TLL1: variants seen among roughly 807,000 people sequenced by gnomAD.
TLL1 encodes the protein tolloid like 1.
In TLL1, 49 loss-of-function variants were observed where a neutral mutation model predicts 128.2. The ratio of observed to expected loss-of-function variants is 0.38; its 90% CI spans 0.30 to 0.48. TLL1 has a LOEUF of 0.48. TLL1 is among the 20% of genes least tolerant of loss of function. TLL1 has a pLI of 0.96. For synonymous variants in TLL1, 454 were observed against 418.8 expected (o/e 1.08, Z -1.03); for missense variants, 1,123 against 1,242.0 (o/e 0.90, Z 1.44).
intron 12 of TLL1, among the ~76,000 whole-genome samples, chr4:166,047,368 G>T (rs1202015706): frequency 2.0e-5 from 3 of 151,502 alleles, no homozygotes; most frequent in Non-Finnish European, 4.4e-5. Context: ...GTTTCACCAT[G>T]TTAGCCAGGA....
rs371458224 is a variant in TLL1, at chr4:165,995,103, A to G, written c.557A>G (p.Glu186Gly). 62 of 1,613,950 alleles carry G rather than the reference A, an allele frequency of 3.8e-5. No homozygotes were observed. The highest frequency in any genetic ancestry group is 5.0e-5 in the Non-Finnish European group (59 of 1,179,954). The change falls in exon 5 of 21, where the codon GAA becomes GGA. Residue 186 changes from glutamate to glycine, a missense_variant. Coordinates refer to ENST00000061240, the MANE Select transcript of TLL1 (RefSeq NM_012464.5). ...AMFKQAMRHWEKHTCVTFIER... is the reference protein window; with the variant it reads ...AMFKQAMRHWGKHTCVTFIER... ...TTCAAGCAGGCCATGAGGCACTGGG[A>G]AAAGCACACATGTGTGACTTTCATA...
intron 1 of TLL1, among the ~76,000 whole-genome samples, chr4:165,880,056 T>G (rs932554646): frequency 6.6e-6 from 1 of 152,130 alleles, no homozygotes; most frequent in Admixed American, 6.5e-5. Flanking sequence ...TACTAACACT[T>G]GGGAAGGAAA....
Position 165,989,425 on chromosome 4 carries a change from A to G in TLL1, c.214A>G (p.Ile72Val), listed in dbSNP as rs755547554. ...TGCCTTAGATGATGAAGACTTAAAT[A>G]TCTTTCAAATAGATAGGACAATTGA... ...DIALDDEDLNIFQIDRTIDLT... is the reference protein window; with the variant it reads ...DIALDDEDLNVFQIDRTIDLT... Residue 72 changes from isoleucine (I) to valine (V), a missense_variant, in exon 2 of 21, where the codon ATC (isoleucine) becomes GTC (valine). Ile to Val is a conservative substitution (Grantham distance 29). Coordinates refer to ENST00000061240, the MANE Select transcript of TLL1 (RefSeq NM_012464.5). The G allele has an allele frequency of 2.8e-5, 45 of 1,612,862 alleles. No individual in the cohort carries two copies. The Admixed American group carries it at 7.2e-4, about 26-fold the overall frequency.
chr4:166,101,099 T>G lies in TLL1; in HGVS notation c.*223T>G, dbSNP rs773377460. Reference sequence around the variant, plus strand: ...CCATGCTTGATGGTATTAATAAAGCTGGTGAAAGGGCATCATATACTTCAA... The same window carrying G: ...CCATGCTTGATGGTATTAATAAAGCGGGTGAAAGGGCATCATATACTTCAA... On this transcript the variant is annotated 3_prime_UTR_variant, in exon 21 of 21. Coordinates refer to ENST00000061240, the MANE Select transcript of TLL1 (RefSeq NM_012464.5). The G allele has an allele frequency of 1.9e-6, 1 of 527,186 alleles. No individual in the cohort carries two copies. Among genetic ancestry groups the G allele is most frequent in the African/African-American group, 1.9e-5 (1 of 52,088 alleles). The allele number at this position is 527,186 out of a possible 1,614,324, so 32.7% of individuals were successfully genotyped here.
chr4:165,955,045 G>A (rs764759920), intron 1 of TLL1, among the ~76,000 whole-genome samples: 1 of 152,046 alleles, frequency 6.6e-6, no homozygotes, highest in Admixed American at 6.6e-5. Context: ...AATGATACAG[G>A]AGTTGAAAGA....
chr4:165,899,276 T>C (rs912863685), intron 1 of TLL1, among the ~76,000 whole-genome samples: 1 of 152,194 alleles, frequency 6.6e-6, no homozygotes, highest in African/African-American at 2.4e-5. Context: ...TTTGAATTTG[T>C]TTGCTCTTAC....
rs183499142 is a variant in TLL1, at chr4:166,043,148, A to G, written c.1379-126A>G. On this transcript the variant is annotated intron_variant, in intron 11 of 20. Transcript: ENST00000061240. ...GCTACATTACAACCAGTCAACTTTG[A>G]TTTTTATAGCCTGGTCTTTATGTAC... 4.8e-5 allele frequency: 64 copies of G among 1,326,690 alleles called. No homozygotes were observed. In the East Asian group the frequency reaches 1.5e-3, roughly 31 times the overall value. 82.2% of individuals were successfully genotyped at this position (1,326,690 alleles called of 1,614,324 possible).
At chr4:166,054,309 C>T (rs1019033255) in intron 12 of TLL1, among the ~76,000 whole-genome samples, 1 of 152,048 alleles carries the variant, frequency 6.6e-6, no homozygotes, top group African/African-American at 2.4e-5. Context: ...ATCAGATTTT[C>T]GTTTCAAAAA....
chr4:165,938,530 G>A (rs1386598422), intron 1 of TLL1, among the ~76,000 whole-genome samples: 3 of 151,840 alleles, frequency 2.0e-5, no homozygotes, highest in African/African-American at 4.8e-5. Flanking sequence ...TTGAATACTT[G>A]GTCTTCTGGA....
chr4:166,056,464 G>A (rs1014555470), intron 13 of TLL1, among the ~76,000 whole-genome samples: 1 of 151,252 alleles, frequency 6.6e-6, no homozygotes, highest in Admixed American at 6.6e-5. Context: ...TATTAAAATG[G>A]GGTTATCATA....
At chr4:166,008,676 T>G (rs574012575) in intron 7 of TLL1, among the ~76,000 whole-genome samples, 1 of 151,740 alleles carries the variant, frequency 6.6e-6, no homozygotes, top group South Asian at 2.1e-4. Flanking sequence ...GGTTTTGATC[T>G]ACTTCATTCT....
At chr4:166,010,045 A>T (rs997868186) in intron 7 of TLL1, among the ~76,000 whole-genome samples, 4 of 151,272 alleles carry the variant, frequency 2.6e-5, no homozygotes, top group Admixed American at 6.6e-5. Flanking sequence ...ACTACTTTTG[A>T]TATTGTATAT....
chr4:166,052,965 G>GTGTGTGTGTGTGTATATATATATATATA lies in TLL1; in HGVS notation c.1525-2110_1525-2109insGTGTGTGTGTGTATATATATATATATAT. On this transcript the variant is annotated intron_variant, in intron 12 of 20. Coordinates refer to ENST00000061240, the MANE Select transcript of TLL1 (RefSeq NM_012464.5). ...TAAAGACTGAGATAAGAGGTTATGT[G>GTGTGTGTGTGTGTATATATATATATATA]TATATATATATATATATTTGGCCAA... Among the ~76,000 whole-genome samples, 151 of 99,696 alleles carry GTGTGTGTGTGTGTATATATATATATATA rather than the reference G, an allele frequency of 1.5e-3. 3 individuals carry two copies. Among genetic ancestry groups the GTGTGTGTGTGTGTATATATATATATATA allele is most frequent in the African/African-American group, 5.5e-3 (144 of 26,274 alleles). The allele number at this position is 99,696 out of a possible 152,430, so 65.4% of individuals were successfully genotyped here. A position where few individuals can be genotyped will look rare whatever the true frequency, so the allele number is the denominator to read the frequency against.
chr4:166,093,647 G>A, intron 19 of TLL1, among the ~76,000 whole-genome samples: 1 of 152,124 alleles, frequency 6.6e-6, no homozygotes, highest in Admixed American at 6.5e-5. Flanking sequence ...CCCTTTACAG[G>A]TGTCGGGCTG....
At chr4:165,919,359 G>A (rs1193788167) in intron 1 of TLL1, among the ~76,000 whole-genome samples, 2 of 149,026 alleles carry the variant, frequency 1.3e-5, no homozygotes, top group African/African-American at 5.0e-5. Context: ...CTCCAGCCTG[G>A]GTGACAGAAT....
intron 1 of TLL1, among the ~76,000 whole-genome samples, chr4:165,915,841 A>G (rs1157451400): frequency 6.6e-6 from 1 of 152,198 alleles, no homozygotes; most frequent in African/African-American, 2.4e-5. Context: ...GTAACTGGCC[A>G]TAATGTATGA....
intron 14 of TLL1, among the ~76,000 whole-genome samples, chr4:166,057,565 C>A (rs1394821351): frequency 6.6e-6 from 1 of 152,014 alleles, no homozygotes; most frequent in African/African-American, 2.4e-5. Flanking sequence ...TCCATTCTCA[C>A]GCTGCTAATA....
At chr4:166,032,027 G>A (rs187557926) in intron 9 of TLL1, among the ~76,000 whole-genome samples, 1 of 152,216 alleles carries the variant, frequency 6.6e-6, no homozygotes, top group East Asian at 1.9e-4. Context: ...CGTCACACAT[G>A]TGGCATCTGA....
At chr4:166,073,946 T>C (rs1579709142) in intron 16 of TLL1, among the ~76,000 whole-genome samples, 4 of 152,196 alleles carry the variant, frequency 2.6e-5, no homozygotes, top group Admixed American at 2.6e-4. Flanking sequence ...GTGGGAGTGA[T>C]GAAAGTCTGA....
Sources: allele counts gnomAD v4.1 joint callset (sites outside exome capture counted in the v4.1 genomes callset), GRCh38; gene constraint gnomAD v4.1.1; transcripts MANE v1.5; gene names NCBI Gene and HGNC (gene_info 2026-07-23, HGNC 2026-07-21).